Variants in NTN4 observed in about 807,000 individuals in gnomAD.
NTN4 encodes netrin 4.
NTN4 carries 32 observed loss-of-function variants against 73.6 expected under a neutral mutation model. The observed-to-expected ratio is 0.44, with a 90% CI of 0.33 to 0.58. NTN4 has a LOEUF of 0.58. Ranked by LOEUF, NTN4 falls within the 20% of genes least tolerant of loss-of-function variation. The probability of loss-of-function intolerance (pLI) is 0.04; values close to 1 mark genes in which losing one functional copy is unlikely to be tolerated. For missense variants in NTN4, 654 were observed against 798.3 expected (o/e 0.82, Z 2.18); for synonymous variants, 258 against 287.5 (o/e 0.90, Z 1.04).
intron 5 of NTN4, among the ~76,000 whole-genome samples, chr12:95,698,717 C>A (rs1206493967): frequency 6.6e-6 from 1 of 152,002 alleles, no homozygotes; most frequent in Non-Finnish European, 1.5e-5. Context: ...ATTAGCTGGG[C>A]ATGATGGCAC....
At chr12:95,742,365 T>TAA (rs58390951) in intron 2 of NTN4, among the ~76,000 whole-genome samples, 1,675 of 136,534 alleles carry the variant, frequency 0.012, 37 homozygotes, top group African/African-American at 0.043. Flanking sequence ...ATGGTGGCGT[T>TAA]AAAAAAAAAA....
At chr12:95,689,400 C>G (rs892541355) in intron 5 of NTN4, among the ~76,000 whole-genome samples, 1 of 152,290 alleles carries the variant, frequency 6.6e-6, no homozygotes, top group East Asian at 1.9e-4. Flanking sequence ...TTAATTAGGA[C>G]AATTTCTAGA....
intron 2 of NTN4, among the ~76,000 whole-genome samples, chr12:95,750,062 A>G (rs1012449271): frequency 2.7e-5 from 4 of 150,684 alleles, no homozygotes; most frequent in African/African-American, 7.3e-5. Context: ...GCTTTTCTAG[A>G]GGAGGGGCAA....
intron 7 of NTN4, chr12:95,671,016 C>T (rs759319653): frequency 5.9e-5 from 9 of 151,616 alleles, no homozygotes; most frequent in Non-Finnish European, 1.2e-4. Flanking sequence ...ATTTATCTAT[C>T]GAGATGGAGT....
Position 95,787,726 on chromosome 12 carries a change from C to T in NTN4, c.56-258G>A, listed in dbSNP as rs117641470. On this transcript the variant is annotated intron_variant, in intron 1 of 9. Coordinates refer to ENST00000343702, the MANE Select transcript of NTN4 (RefSeq NM_021229.4). Reference sequence around the variant, plus strand: ...ATGTTCAGATGTAAAATTCACATCACAGAAACAAACACTTTAGGCAGAGGG... The same window carrying T: ...ATGTTCAGATGTAAAATTCACATCATAGAAACAAACACTTTAGGCAGAGGG... Among the ~76,000 whole-genome samples, 265 of 152,232 alleles carry T rather than the reference C, an allele frequency of 1.7e-3. 2 individuals carry two copies. The highest frequency in any genetic ancestry group is 3.3e-3 in the Non-Finnish European group (225 of 68,016).
chr12:95,758,934 A>T (rs2078965924), intron 2 of NTN4, among the ~76,000 whole-genome samples: 1 of 152,076 alleles, frequency 6.6e-6, no homozygotes, highest in African/African-American at 2.4e-5. Context: ...CATTCTAAGA[A>T]ATTTTTGCCT....
At chr12:95,787,572 G>A (rs1053054824) in intron 1 of NTN4, 104 bp from the exon 2 acceptor site, 28 of 1,079,148 alleles carry the variant, frequency 2.6e-5, no homozygotes, top group African/African-American at 9.5e-5. Context: ...AAAAGCGCTT[G>A]AGACTTTCGA....
intron 5 of NTN4, among the ~76,000 whole-genome samples, chr12:95,691,876 ATCAT>A: frequency 6.6e-6 from 1 of 152,232 alleles, no homozygotes; most frequent in Non-Finnish European, 1.5e-5. Context: ...TAGGTGGTAA[ATCAT>A]TCATCACTGG....
Position 95,658,400 on chromosome 12 carries a change from C to T in NTN4, c.*686G>A, listed in dbSNP as rs981875090. On this transcript the variant is annotated 3_prime_UTR_variant, in exon 10 of 10. Transcript: ENST00000343702. ...ATATTCTCCTTTCTGGTTGCATCTT[C>T]ACCTAGTTTCTCCAAGTATTCAGAG... The T allele has an allele frequency of 2.6e-5, 4 of 152,494 alleles. No individual in the cohort carries two copies. The highest frequency in any genetic ancestry group is 5.9e-5 in the Non-Finnish European group (4 of 68,052). The allele number at this position is 152,494 out of a possible 1,614,324, so 9.4% of individuals were successfully genotyped here.
chr12:95,678,286 A>G (rs140553107), intron 7 of NTN4, among the ~76,000 whole-genome samples: 15 of 150,784 alleles, frequency 9.9e-5, no homozygotes, highest in East Asian at 9.9e-4. Flanking sequence ...GCAAACCACT[A>G]TGGCACATGT....
At chr12:95,768,128 T>G (rs940185219) in intron 2 of NTN4, among the ~76,000 whole-genome samples, 15 of 152,186 alleles carry the variant, frequency 9.9e-5, no homozygotes, top group African/African-American at 3.4e-4. Flanking sequence ...ATTGAATATG[T>G]CAGGCAGCAC....
intron 2 of NTN4, among the ~76,000 whole-genome samples, chr12:95,740,860 C>T (rs2078818511): frequency 6.6e-6 from 1 of 152,132 alleles, no homozygotes; most frequent in Admixed American, 6.5e-5. Flanking sequence ...ACCAACAGCA[C>T]CCCTAGGGAA....
chr12:95,713,487 G>A (rs997059126), intron 3 of NTN4, 149 bp from the exon 4 acceptor site: 3 of 829,184 alleles, frequency 3.6e-6, no homozygotes, highest in South Asian at 2.6e-5. Flanking sequence ...GAGGAGAGAT[G>A]CTTTCTTTAG....
At chr12:95,773,210 G>A (rs1222855257) in intron 2 of NTN4, among the ~76,000 whole-genome samples, 1 of 151,974 alleles carries the variant, frequency 6.6e-6, no homozygotes, top group Non-Finnish European at 1.5e-5. Context: ...CACCATGTTG[G>A]CCAGGCTGGT....
At chr12:95,659,809 C>T (rs753617938) in intron 9 of NTN4, among the ~76,000 whole-genome samples, 7 of 152,196 alleles carry the variant, frequency 4.6e-5, no homozygotes, top group East Asian at 1.9e-4. Context: ...GAAACTTGTT[C>T]GATATCTTTT....
chr12:95,670,694 G>A (rs2078220356), intron 7 of NTN4: 1 of 152,256 alleles, frequency 6.6e-6, no homozygotes, highest in Non-Finnish European at 1.5e-5. Context: ...ATTCAGTAAG[G>A]TGAAGAAACC....
intron 5 of NTN4, among the ~76,000 whole-genome samples, chr12:95,696,229 A>T (rs904095821): frequency 2.0e-5 from 3 of 151,360 alleles, no homozygotes; most frequent in Non-Finnish European, 4.4e-5. Context: ...TTTTCATAAC[A>T]CTTATTATAG....
chr12:95,770,969 T>C (rs2079053137), intron 2 of NTN4, among the ~76,000 whole-genome samples: 1 of 150,290 alleles, frequency 6.7e-6, no homozygotes, highest in Admixed American at 6.7e-5. Context: ...ATTAGCAAGA[T>C]GAACCATCCA....
Position 95,710,545 on chromosome 12 carries a change from C to G in NTN4, c.1076G>C (p.Cys359Ser). 3 of 1,614,208 alleles carry G rather than the reference C, an allele frequency of 1.9e-6. No individual in the cohort carries two copies. Among genetic ancestry groups the G allele is most frequent in the Non-Finnish European group, 2.5e-6 (3 of 1,180,028 alleles). Residue 359 changes from cysteine to serine, a missense_variant, in exon 5 of 10, where the codon TGT becomes TCT. Coordinates refer to ENST00000343702, the MANE Select transcript of NTN4 (RefSeq NM_021229.4). ...EASGNRSGGV[C>S]DDCQHNTEGQ... ...TTCTGTGTTGTGCTGACAGTCATCACAGACACCACCACTACGATTCCCTGA... is the reference window on the plus strand; with the variant it reads ...TTCTGTGTTGTGCTGACAGTCATCAGAGACACCACCACTACGATTCCCTGA...
Sources: allele counts gnomAD v4.1 joint callset (sites outside exome capture counted in the v4.1 genomes callset), GRCh38; gene constraint gnomAD v4.1.1; transcripts MANE v1.5; gene names NCBI Gene and HGNC (gene_info 2026-07-23, HGNC 2026-07-21).